The following PHF19 variants were observed in gnomAD, a reference collection of about 807,000 sequenced individuals.
PHF19 encodes polycomb like 3.
PHF19 carries 21 observed loss-of-function variants against 79.8 expected under a neutral mutation model. The observed-to-expected ratio is 0.26, with a 90% confidence interval of 0.19 to 0.38. The LOEUF is 0.38. PHF19 is among the 10% of genes least tolerant of loss of function. The pLI is 1.00. For missense variants in PHF19, 445 were observed against 744.2 expected (o/e 0.60, Z 4.68); for synonymous variants, 273 against 296.3 (o/e 0.92, Z 0.81).
At chr9:120,887,277 A>G (rs940155731) in intron 1 of PHF19, among the ~76,000 whole-genome samples, 2 of 151,986 alleles carry the variant, frequency 1.3e-5, no homozygotes, top group African/African-American at 4.8e-5. Flanking sequence ...CAACATGGTG[A>G]AATCCTGTCT....
chr9:120,899,224 C>G (rs898691209), upstream of PHF19, among the ~76,000 whole-genome samples: 1 of 141,724 alleles, frequency 7.1e-6, no homozygotes, highest in South Asian at 2.3e-4. Context: ...AAAGGCCAGG[C>G]GCAGTGGCTC....
chr9:120,902,396 A>C, the PHF19 span: 2 of 151,774 alleles, frequency 1.3e-5, no homozygotes, highest in East Asian at 1.9e-4. Context: ...TCTTTGATGC[A>C]CTTAACATAG....
upstream of PHF19, chr9:120,877,413 G>A (rs923396523): frequency 2.1e-6 from 2 of 962,666 alleles, no homozygotes; most frequent in African/African-American, 3.6e-5. Flanking sequence ...GCGGCCGCCG[G>A]GCTCCGCAGC....
chr9:120,868,413 C>T (rs1188115938), intron 6 of PHF19: 1 of 152,314 alleles, frequency 6.6e-6, no homozygotes, highest in African/African-American at 2.4e-5. Flanking sequence ...AATTCATGCT[C>T]TGCTCATAAT....
chr9:120,902,034 A>G, the PHF19 span, among the ~76,000 whole-genome samples: 1 of 152,174 alleles, frequency 6.6e-6, no homozygotes, highest in Non-Finnish European at 1.5e-5. Flanking sequence ...AGCTTCTGGT[A>G]TACACAGTGC....
At chr9:120,883,266 C>A (rs149139104) in intron 1 of PHF19, among the ~76,000 whole-genome samples, 1 of 152,316 alleles carries the variant, frequency 6.6e-6, no homozygotes, top group African/African-American at 2.4e-5. Context: ...ATTTCCCTGC[C>A]TTGCCAGCTT....
Position 120,866,890 on chromosome 9 carries a change from C to G in PHF19, c.690G>C (p.Glu230Asp). 6.2e-7 allele frequency: 1 copy of G among 1,607,692 alleles called. No individual in the cohort carries two copies. The highest frequency in any genetic ancestry group is 1.3e-5 in the African/African-American group (1 of 74,918). Residue 230 changes from glutamate (E) to aspartate (D), a missense_variant, in exon 7 of 15, where the codon GAG becomes GAC. Glu to Asp is a conservative substitution (Grantham distance 45, BLOSUM62 2). Transcript: ENST00000373896. This position sits in a 1 kb window ranked among gnomAD's most constrained non-coding sequence, Gnocchi z 5.2. Reference protein sequence around the residue: ...FHEACTQCLNEPMMFGDRFYL... With the variant: ...FHEACTQCLNDPMMFGDRFYL... ...CCTACCGGTCTCCAAACATCATGGG[C>G]TCATTGAGGCACTGGGTGCAGGCCT...
At chr9:120,900,759 A>T in the PHF19 span, among the ~76,000 whole-genome samples, 1 of 151,768 alleles carries the variant, frequency 6.6e-6, no homozygotes, top group Admixed American at 6.6e-5. Context: ...TAGAGACGGG[A>T]TCTTGCTATG....
intron 3 of PHF19, among the ~76,000 whole-genome samples, chr9:120,872,495 T>G (rs963341130): frequency 1.1e-4 from 17 of 151,932 alleles, no homozygotes; most frequent in Non-Finnish European, 2.4e-4. Context: ...GGAGAGGAGA[T>G]CCTCATTGCT....
At chr9:120,888,638 C>A (rs2046300742) in intron 1 of PHF19, among the ~76,000 whole-genome samples, 1 of 152,146 alleles carries the variant, frequency 6.6e-6, no homozygotes, top group Non-Finnish European at 1.5e-5. Flanking sequence ...AGTTGGAATT[C>A]TTGATTATGA....
rs1396799557 is a variant in PHF19 at position 120,891,569 on chromosome 9, G to A, written c.42+3219C>T. ...AGGTGGAGCGCCACCATAATTTACA[G>A]CACACGACTCAAGACCCACCCAGCC... On this transcript the variant is annotated intron_variant, in intron 1 of 14. Transcript: ENST00000616568. The surrounding 1 kb of genome is among the most constrained non-coding windows in gnomAD (Gnocchi z 4.3). 2.6e-5 allele frequency among the ~76,000 whole-genome samples: 4 copies of A among 152,148 alleles called. No homozygotes were observed. The highest frequency in any genetic ancestry group is 5.9e-5 in the Non-Finnish European group (4 of 68,034).
Position 120,869,174 on chromosome 9 carries a change from T to C in PHF19, c.614+8A>G. 3 of 1,604,488 alleles carry C rather than the reference T, an allele frequency of 1.9e-6. No individual in the cohort carries two copies. In the South Asian group the frequency reaches 3.3e-5, roughly 18 times the overall value. ...TGCCGCCCGGGGGGCCCTGACCCCCTGCCTTACTCTCCGGGCCCGCCGCAG... is the reference window on the plus strand; with the variant it reads ...TGCCGCCCGGGGGGCCCTGACCCCCCGCCTTACTCTCCGGGCCCGCCGCAG... On this transcript the variant is annotated splice_region_variant and intron_variant, in intron 6 of 14. Coordinates refer to ENST00000373896, the MANE Select transcript of PHF19 (RefSeq NM_015651.3). This position sits in a 1 kb window ranked among gnomAD's most constrained non-coding sequence, Gnocchi z 5.8.
chr9:120,861,123 C>A lies in PHF19; in HGVS notation c.1270G>T (p.Asp424Tyr). 1 of 1,611,298 alleles carries A rather than the reference C, an allele frequency of 6.2e-7. No individual in the cohort carries two copies. The highest frequency in any genetic ancestry group is 1.1e-5 in the South Asian group (1 of 91,012). Reference sequence around the variant, plus strand: ...CTTTGAATTTCATCCAGCGTGAAGTCAAATATGCTAGCCAGGTGGTGGTTG... The same window carrying A: ...CTTTGAATTTCATCCAGCGTGAAGTAAAATATGCTAGCCAGGTGGTGGTTG... ...STNHHLASIF[D>Y]FTLDEIQSLK... The change falls in exon 13 of 15, where the codon GAC (aspartate) becomes TAC (tyrosine). Residue 424 changes from aspartate to tyrosine, a missense_variant. Asp to Tyr is a radical substitution (Grantham distance 160, BLOSUM62 -3). This residue lies in a region of PHF19 where 125 missense variants were observed against 180.5 expected (regional missense o/e 0.69). Transcript: ENST00000373896.
intron 1 of PHF19, among the ~76,000 whole-genome samples, chr9:120,887,967 C>T (rs974634032): frequency 6.6e-6 from 1 of 152,056 alleles, no homozygotes; most frequent in East Asian, 1.9e-4. Flanking sequence ...CACGCGTGCA[C>T]GTCTCTTGAT....
chr9:120,894,823 C>A, exon 1 of PHF19: 2 of 1,230,124 alleles, frequency 1.6e-6, no homozygotes, highest in Non-Finnish European at 2.0e-6. Context: ...ATTACCAAGA[C>A]CAGCATAGTG....
intron 9 of PHF19, 57 bp from the exon 10 acceptor site, chr9:120,864,173 C>A: frequency 6.9e-7 from 1 of 1,450,920 alleles, no homozygotes; most frequent in Non-Finnish European, 9.6e-7. Context: ...CATGGGGAGG[C>A]CCAAGCCCCT....
At chr9:120,897,765 G>T (rs2046414099), upstream of PHF19, among the ~76,000 whole-genome samples, 1 of 151,996 alleles carries the variant, frequency 6.6e-6, no homozygotes, top group South Asian at 2.1e-4. Flanking sequence ...GATCACTTGA[G>T]GTCAGGATTT....
chr9:120,867,240 G>A (rs56067584), intron 6 of PHF19, among the ~76,000 whole-genome samples: 280 of 152,312 alleles, frequency 1.8e-3, no homozygotes, highest in Non-Finnish European at 3.2e-3. Context: ...GTGGAGGATG[G>A]TGATTCAAAT....
chr9:120,880,340 C>G (rs1437257878), upstream of PHF19, among the ~76,000 whole-genome samples: 8 of 152,172 alleles, frequency 5.3e-5, no homozygotes, highest in Admixed American at 4.6e-4. Context: ...ACTAAAAATA[C>G]AAAAATTAGC....
Sources: allele counts gnomAD v4.1 joint callset (sites outside exome capture counted in the v4.1 genomes callset), GRCh38; gene constraint gnomAD v4.1.1; regional missense constraint gnomAD v4.1.1; non-coding constraint Gnocchi (gnomAD v3.1); transcripts MANE v1.5; gene names NCBI Gene and HGNC (gene_info 2026-07-23, HGNC 2026-07-21).